Variants in OR1J2 observed in about 807,000 individuals in gnomAD.
OR1J2 encodes olfactory receptor family 1 subfamily J member 2, also known as olfactory receptor 1J2.
For synonymous variants in OR1J2, 142 were observed against 99.7 expected (o/e 1.42, Z -2.52); for missense variants, 304 against 246.1 (o/e 1.24, Z -1.57).
At chr9:122,456,335 C>G in the OR1J2 span, among the ~76,000 whole-genome samples, 1 of 152,082 alleles carries the variant, frequency 6.6e-6, no homozygotes, top group South Asian at 2.1e-4. Flanking sequence ...TCTCTAGGAT[C>G]CATGTAAGCA....
the OR1J2 span, among the ~76,000 whole-genome samples, chr9:122,525,813 G>A: frequency 6.6e-6 from 1 of 152,174 alleles, no homozygotes; most frequent in Non-Finnish European, 1.5e-5. Flanking sequence ...CTATTCTGCA[G>A]CACATGGAAT....
the OR1J2 span, among the ~76,000 whole-genome samples, chr9:122,488,903 G>A: frequency 6.6e-6 from 1 of 151,962 alleles, no homozygotes; most frequent in Non-Finnish European, 1.5e-5. Context: ...TGTGCAGAAT[G>A]TGCAGGTTTG....
At chr9:122,457,020 A>C in the OR1J2 span, among the ~76,000 whole-genome samples, 1 of 152,220 alleles carries the variant, frequency 6.6e-6, no homozygotes, top group African/African-American at 2.4e-5. Context: ...GTAAGTATAC[A>C]CCATGAAATA....
At chr9:122,501,517 C>A in the OR1J2 span, among the ~76,000 whole-genome samples, 1 of 152,200 alleles carries the variant, frequency 6.6e-6, no homozygotes, top group African/African-American at 2.4e-5. Flanking sequence ...CAAGCACATG[C>A]TTATTCCTAC....
downstream of OR1J2, among the ~76,000 whole-genome samples, chr9:122,512,776 A>G (rs1828655216): frequency 6.6e-6 from 1 of 152,298 alleles, no homozygotes; most frequent in Admixed American, 6.5e-5. Flanking sequence ...TCCAGTGTCC[A>G]TCTGTGACTT....
the OR1J2 span, among the ~76,000 whole-genome samples, chr9:122,541,064 T>C: frequency 6.6e-6 from 1 of 152,218 alleles, no homozygotes; most frequent in South Asian, 2.1e-4. Context: ...AGTAGTTTTC[T>C]ACTAGCTCAC....
chr9:122,526,828 T>C, the OR1J2 span: 1 of 1,613,760 alleles, frequency 6.2e-7, no homozygotes, highest in South Asian at 1.1e-5. Context: ...AACGTGTGAG[T>C]CAGGGCAACG....
the OR1J2 span, chr9:122,477,224 A>G: frequency 6.2e-7 from 1 of 1,614,136 alleles, no homozygotes; most frequent in Non-Finnish European, 8.5e-7. Flanking sequence ...AAGGCTTTGC[A>G]TATGCCCTTG....
chr9:122,560,869 G>C, the OR1J2 span, among the ~76,000 whole-genome samples: 2 of 151,998 alleles, frequency 1.3e-5, no homozygotes, highest in Non-Finnish European at 2.9e-5. Flanking sequence ...TTTGAATGTT[G>C]GTCTGTCTTG....
At chr9:122,542,486 A>G in the OR1J2 span, among the ~76,000 whole-genome samples, 1 of 152,202 alleles carries the variant, frequency 6.6e-6, no homozygotes, top group African/African-American at 2.4e-5. Flanking sequence ...TTTCAACAGA[A>G]CTAGTAGTTT....
chr9:122,564,557 C>T, the OR1J2 span, among the ~76,000 whole-genome samples: 1 of 152,132 alleles, frequency 6.6e-6, no homozygotes, highest in African/African-American at 2.4e-5. Context: ...GTGGTGATCC[C>T]CACCACATCC....
the OR1J2 span, chr9:122,519,290 G>A: frequency 6.2e-7 from 1 of 1,613,978 alleles, no homozygotes; most frequent in South Asian, 1.1e-5. Context: ...TGCTCATCCG[G>A]CTGGACTCTC....
At chr9:122,471,736 A>C in the OR1J2 span, among the ~76,000 whole-genome samples, 1 of 152,210 alleles carries the variant, frequency 6.6e-6, no homozygotes, top group Non-Finnish European at 1.5e-5. Flanking sequence ...CTATTGATCA[A>C]ATTTCTATCA....
At chr9:122,551,289 C>T in the OR1J2 span, among the ~76,000 whole-genome samples, 73 of 152,246 alleles carry the variant, frequency 4.8e-4, no homozygotes, top group East Asian at 0.012. Context: ...GTGGGGATTC[C>T]ACTCTCTCCA....
At chr9:122,559,667 ATTTCACT>A in the OR1J2 span, among the ~76,000 whole-genome samples, 1,242 of 150,768 alleles carry the variant, frequency 8.2e-3, 16 homozygotes, top group African/African-American at 0.029. Flanking sequence ...TTCTAATTTG[ATTTCACT>A]GTGGTCTGAG....
chr9:122,553,667 G>A, the OR1J2 span: 8 of 1,613,998 alleles, frequency 5.0e-6, no homozygotes, highest in Non-Finnish European at 6.8e-6. Context: ...GTGTGTGCTG[G>A]GTGCTAACCA....
the OR1J2 span, chr9:122,553,661 G>C: frequency 1.3e-5 from 21 of 1,613,994 alleles, no homozygotes; most frequent in African/African-American, 1.9e-4. Flanking sequence ...TGCTGGGTGT[G>C]TGCTGGGTGC....
At chr9:122,567,497 C>T in the OR1J2 span, 1 of 1,353,342 alleles carries the variant, frequency 7.4e-7, no homozygotes, top group Non-Finnish European at 1.0e-6. Context: ...CAGTAGAAAA[C>T]ACGTCCAAGT....
At chr9:122,450,890 C>G in the OR1J2 span, among the ~76,000 whole-genome samples, 2 of 152,068 alleles carry the variant, frequency 1.3e-5, no homozygotes, top group Admixed American at 6.6e-5. Context: ...AATATAATGT[C>G]TCCTAGATTC....
Sources: gnomAD v4.1 joint callset for allele counts (sites outside exome capture counted in the v4.1 genomes callset) on GRCh38, gnomAD v4.1.1 for gene constraint, MANE v1.5 for transcripts, NCBI Gene and HGNC (gene_info 2026-07-23, HGNC 2026-07-21) for gene names.